DYSF: variants seen among roughly 807,000 people sequenced by gnomAD.
DYSF encodes dysferlin, also known as dystrophy-associated fer-1-like 1.
DYSF carries 212 observed loss-of-function variants against 274.9 expected under a neutral mutation model. The ratio of observed to expected loss-of-function variants is 0.77; its 90% CI spans 0.69 to 0.86. The LOEUF is 0.86. DYSF is among the 40% of genes least tolerant of loss of function. The pLI, the probability that DYSF is intolerant of heterozygous loss-of-function variation, is 0.00. For missense variants in DYSF, 2,666 were observed against 2,783.2 expected (o/e 0.96, Z 0.95); for synonymous variants, 1,091 against 1,078.7 (o/e 1.01, Z -0.22).
intron 10 of DYSF, among the ~76,000 whole-genome samples, chr2:71,518,205 C>T (rs547074463): frequency 2.6e-4 from 39 of 151,844 alleles, no homozygotes; most frequent in Admixed American, 1.9e-3. Context: ...TAACAGATTA[C>T]GTAAAGTAAA....
At chr2:71,496,394 G>C (rs1010999723) in intron 3 of DYSF, among the ~76,000 whole-genome samples, 3 of 152,120 alleles carry the variant, frequency 2.0e-5, no homozygotes, top group African/African-American at 7.2e-5. Context: ...TCAGGAGGCA[G>C]AGAGAGCGAG....
At chr2:71,682,391 A>G in intron 54 of DYSF, 139 bp from the exon 55 acceptor site, 1 of 1,017,234 alleles carries the variant, frequency 9.8e-7, no homozygotes. Flanking sequence ...GCAAAGGGCT[A>G]GTTTAGGGAC....
chr2:71,614,033 G>A (rs1302424277), intron 40 of DYSF, among the ~76,000 whole-genome samples: 2 of 152,222 alleles, frequency 1.3e-5, no homozygotes, highest in Admixed American at 1.3e-4. Context: ...GGGCCAGCCT[G>A]TGATGCAGAT....
chr2:71,632,284 C>G (rs1350572941), intron 41 of DYSF, among the ~76,000 whole-genome samples: 2 of 152,224 alleles, frequency 1.3e-5, no homozygotes, highest in African/African-American at 4.8e-5. Context: ...TTTAACTCTT[C>G]TCTACATTAA....
intron 22 of DYSF, among the ~76,000 whole-genome samples, chr2:71,558,662 T>G (rs2091499444): frequency 6.6e-6 from 1 of 152,108 alleles, no homozygotes; most frequent in Non-Finnish European, 1.5e-5. Context: ...AGGGCTCTGC[T>G]CTTGGAGGAT....
At chr2:71,508,258 C>T (rs57306242) in intron 4 of DYSF, among the ~76,000 whole-genome samples, 10,874 of 152,214 alleles carry the variant, frequency 0.071, 564 homozygotes, top group African/African-American at 0.15. Flanking sequence ...ATTCTGAACT[C>T]GAGTGTGTGT....
At chr2:71,509,707 C>A (rs1649182560) in intron 4 of DYSF, among the ~76,000 whole-genome samples, 1 of 152,068 alleles carries the variant, frequency 6.6e-6, no homozygotes, top group African/African-American at 2.4e-5. Flanking sequence ...TCAGATTTGG[C>A]CTGTGGGAGC....
At chr2:71,490,864 A>G (rs2083792672) in intron 3 of DYSF, among the ~76,000 whole-genome samples, 1 of 152,162 alleles carries the variant, frequency 6.6e-6, no homozygotes. Flanking sequence ...ATTGACTGAT[A>G]TTTAGTTTCT....
intron 38 of DYSF, among the ~76,000 whole-genome samples, chr2:71,612,044 A>G (rs1427170956): frequency 6.6e-6 from 1 of 152,074 alleles, no homozygotes; most frequent in Admixed American, 6.5e-5. Flanking sequence ...CAGGCCCTCC[A>G]GGCCTCTCCA....
At chr2:71,470,627 T>C (rs966897747) in intron 1 of DYSF, among the ~76,000 whole-genome samples, 48 of 144,386 alleles carry the variant, frequency 3.3e-4, no homozygotes, top group African/African-American at 1.2e-3. Flanking sequence ...TGAGCCAAGA[T>C]TGAGCCACTG....
Position 71,513,328 on chromosome 2 carries a change from C to A in DYSF, c.549C>A (p.Pro183=). The change falls in exon 6 of 56, where the codon CCC becomes CCA. Residue 183 remains proline, a synonymous_variant. Coordinates refer to ENST00000410020, the MANE Select transcript of DYSF (RefSeq NM_001130987.2). ...ACTCTGGAAAGAAGTGGCCGGCCCCCACGGGTGAGACACGGGCCAGGACTG... is the reference window on the plus strand; with the variant it reads ...ACTCTGGAAAGAAGTGGCCGGCCCCAACGGGTGAGACACGGGCCAGGACTG... ...TRYSGKKWPA[P]TDTGGEEDTE... is the part of the protein sequence containing the mutation. The A allele has an allele frequency of 1.3e-6, 2 of 1,551,612 alleles. No homozygotes were observed. The highest frequency in any genetic ancestry group is 1.7e-6 in the Non-Finnish European group (2 of 1,146,950).
Position 71,553,823 on chromosome 2 carries a change from C to T in DYSF, c.2001C>T (p.Tyr667=). Residue 667 remains tyrosine, a synonymous_variant, in exon 21 of 56, where the codon TAC becomes TAT. Transcript: ENST00000410020. ...CCATTCCAGGGTGCCACTACTACTA[C>T]CTACCCTGGGGTAACGTGAAACCTG... The part of the protein sequence containing the change: ...RAVFDGCHYY[Y]LPWGNVKPVV... 7.3e-7 allele frequency: 1 copy of T among 1,377,152 alleles called. No individual in the cohort carries two copies. The highest frequency in any genetic ancestry group is 9.7e-7 in the Non-Finnish European group (1 of 1,030,044). 85.3% of individuals were successfully genotyped at this position (1,377,152 alleles called of 1,614,324 possible).
At chr2:71,546,144 C>G (rs1402051150) in intron 17 of DYSF, among the ~76,000 whole-genome samples, 1 of 152,388 alleles carries the variant, frequency 6.6e-6, no homozygotes, top group South Asian at 2.1e-4. Flanking sequence ...TCTCTCCGGC[C>G]TTGAGGTCGG....
Position 71,663,442 on chromosome 2 carries a change from C to T in DYSF, c.5004-826C>T, listed in dbSNP as rs533623213. Among the ~76,000 whole-genome samples the T allele has an allele frequency of 1.5e-3, 236 of 152,318 alleles. 2 individuals are homozygous for T. The highest frequency in any genetic ancestry group is 5.2e-3 in the African/African-American group (217 of 41,564). ...AGGATTCAGAGCAGTTCCAGTCTGG[C>T]CTCAGAGTGGTTTCTTCTCCTCCCA... On this transcript the variant is annotated intron_variant, in intron 45 of 55. Transcript: ENST00000410020.
Position 71,526,275 on chromosome 2 carries a change from G to A in DYSF, c.1205G>A (p.Arg402Gln), listed in dbSNP as rs375071568. ...GAGGACATTGAAAGCAACCTGCTCCGGCCCACAGGCGTAGCCCTGCGAGGA... is the reference window on the plus strand; with the variant it reads ...GAGGACATTGAAAGCAACCTGCTCCAGCCCACAGGCGTAGCCCTGCGAGGA... The part of the protein sequence containing the change: ...DKEDIESNLL[R>Q]PTGVALRGAH... Residue 402 changes from arginine (R) to glutamine (Q), a missense_variant, in exon 13 of 56, where the codon CGG (arginine) becomes CAG (glutamine). Physicochemically the swap from Arg to Gln is conservative, Grantham distance 43. This residue lies in a region of DYSF where 794 missense variants were observed against 777.1 expected (regional missense o/e 1.02). Coordinates refer to ENST00000410020, the MANE Select transcript of DYSF (RefSeq NM_001130987.2). 2.5e-6 allele frequency: 4 copies of A among 1,614,120 alleles called. No homozygotes were observed. The highest frequency in any genetic ancestry group is 2.7e-5 in the African/African-American group (2 of 74,940).
chr2:71,682,796 C>A, intron 55 of DYSF, 119 bp downstream of exon 55: 2 of 1,414,154 alleles, frequency 1.4e-6, no homozygotes, highest in South Asian at 1.3e-5. Context: ...CCTTGGAGAG[C>A]CCCTGGTCTG....
chr2:71,675,067 A>G (rs1402269792), intron 52 of DYSF, among the ~76,000 whole-genome samples: 2 of 152,030 alleles, frequency 1.3e-5, no homozygotes, highest in Non-Finnish European at 2.9e-5. Flanking sequence ...GTCAAATATT[A>G]TATGGCTTCA....
chr2:71,554,208 G>A (rs554151910), intron 21 of DYSF, among the ~76,000 whole-genome samples: 8 of 152,346 alleles, frequency 5.3e-5, no homozygotes, highest in Non-Finnish European at 1.0e-4. Context: ...CCTATGCCAC[G>A]CAGCAGGGCA....
At chr2:71,610,239 A>G (rs2093725220) in intron 36 of DYSF, among the ~76,000 whole-genome samples, 1 of 152,262 alleles carries the variant, frequency 6.6e-6, no homozygotes, top group Admixed American at 6.5e-5. Flanking sequence ...CAAAGACACC[A>G]CATGGGCTAA....
Sources: allele counts gnomAD v4.1 joint callset (sites outside exome capture counted in the v4.1 genomes callset), GRCh38; gene constraint gnomAD v4.1.1; regional missense constraint gnomAD v4.1.1; transcripts MANE v1.5; gene names NCBI Gene and HGNC (gene_info 2026-07-23, HGNC 2026-07-21).